Variants in EPN3 observed in about 807,000 individuals in gnomAD.
The protein encoded by EPN3 is epsin 3.
In EPN3, 56 loss-of-function variants were observed where a neutral mutation model predicts 55.5. The observed-to-expected ratio is 1.01, with a 90% CI of 0.81 to 1.26. The LOEUF (loss-of-function observed/expected upper bound fraction) is 1.26. Among genes scored for constraint, EPN3 ranks in the 50% most tolerant of loss-of-function variants. The pLI, the probability that EPN3 is intolerant of heterozygous loss-of-function variation, is 0.00. For synonymous variants in EPN3, 449 were observed against 375.2 expected (o/e 1.20, Z -2.27); for missense variants, 927 against 853.4 (o/e 1.09, Z -1.07).
chr17:50,540,955 C>T lies in EPN3; in HGVS notation c.1142C>T (p.Ala381Val). 1 of 1,613,382 alleles carries T rather than the reference C, an allele frequency of 6.2e-7. No homozygotes were observed. The highest frequency in any genetic ancestry group is 8.5e-7 in the Non-Finnish European group (1 of 1,179,910). Reference protein sequence around the residue: ...EPWGRTPVLPAGPPTTDPWAL... With the variant: ...EPWGRTPVLPVGPPTTDPWAL... ...TGGGGCAGGACCCCAGTGCTGCCTG[C>T]TGGGCCCCCCACCACAGACCCCTGG... is the stretch of plus-strand genomic sequence containing the variant. The change falls in exon 7 of 10, where the codon GCT (alanine) becomes GTT (valine). Residue 381 changes from alanine to valine, a missense_variant. Physicochemically the swap from Ala to Val is moderately conservative, Grantham distance 64 (BLOSUM62 0). Coordinates refer to ENST00000268933, the MANE Select transcript of EPN3 (RefSeq NM_017957.3).
At chr17:50,533,038 G>A in intron 1 of EPN3, 53 bp downstream of exon 1, 5 of 1,160,278 alleles carry the variant, frequency 4.3e-6, no homozygotes, top group Middle Eastern at 2.5e-4. Context: ...GAAGGCGGGG[G>A]TTGGTGGGGA....
In EPN3 at chr17:50,541,449, G is replaced by A. The variant is rs1391425797; in HGVS notation, c.1355-15G>A. On this transcript the variant is annotated splice_polypyrimidine_tract_variant and intron_variant, in intron 8 of 9. Coordinates refer to ENST00000268933, the MANE Select transcript of EPN3 (RefSeq NM_017957.3). ...TCCCTTTCCCCACCAATTAGCTCTA[G>A]CATTTCTATTCCAGAGCTGGACCTG... The A allele has an allele frequency of 1.2e-6, 2 of 1,613,242 alleles. No homozygotes were observed. The highest frequency in any genetic ancestry group is 1.7e-5 in the Admixed American group (1 of 60,014).
intron 3 of EPN3, chr17:50,538,564 C>G: frequency 2.3e-6 from 1 of 429,360 alleles, no homozygotes; most frequent in Non-Finnish European, 4.1e-6. Flanking sequence ...AAGGACAGGC[C>G]CCCGATATCA....
intron 3 of EPN3, chr17:50,538,501 G>A: frequency 2.2e-6 from 1 of 458,800 alleles, no homozygotes; most frequent in Non-Finnish European, 3.8e-6. Flanking sequence ...ATTCCTAGGA[G>A]ACACTGGGAT....
intron 3 of EPN3, chr17:50,538,511 TA>T: frequency 2.3e-6 from 1 of 440,300 alleles, no homozygotes; most frequent in Non-Finnish European, 4.0e-6. Flanking sequence ...GACACTGGGA[TA>T]TGCTTCCCAC....
rs930607540 is a variant in EPN3, at chr17:50,534,352, G to A, written c.-137+1367G>A. On this transcript the variant is annotated intron_variant, in intron 1 of 9. Transcript: ENST00000268933. ...CGAGAGTCCCCTCCCAGAGGCTGGT[G>A]CCCCCACACAGGCCAGGCCGGAGGG... 6 of 941,740 alleles carry A rather than the reference G, an allele frequency of 6.4e-6. No homozygotes were observed. The African/African-American group carries it at 8.9e-5, about 14-fold the overall frequency. 58.3% of individuals were successfully genotyped at this position (941,740 alleles called of 1,614,324 possible).
In EPN3 at chr17:50,541,929, G is replaced by C. The variant is rs112657244; in HGVS notation, c.1671G>C (p.Pro557=). The C allele has an allele frequency of 6.3e-7, 1 of 1,599,546 alleles. No individual in the cohort carries two copies. ...PTLNQMRTGS[P]ALGLAGGPVG... is the part of the protein sequence containing the mutation. ...TAAACCAGATGCGCACCGGCTCGCCGGCGCTGGGCCTGGCAGGCGGGCCTG... is the reference window on the plus strand; with the variant it reads ...TAAACCAGATGCGCACCGGCTCGCCCGCGCTGGGCCTGGCAGGCGGGCCTG... Residue 557 remains proline (P), a synonymous_variant, in exon 10 of 10, where the codon CCG becomes CCC. Coordinates refer to ENST00000268933, the MANE Select transcript of EPN3 (RefSeq NM_017957.3).
In EPN3 at chr17:50,541,673, ACCCGGAAC is replaced by A. The variant is rs765532804; in HGVS notation, c.1568_1575del (p.Arg523LeufsTer72). On this transcript the variant is annotated frameshift_variant, in exon 9 of 10. Coordinates refer to ENST00000268933, the MANE Select transcript of EPN3 (RefSeq NM_017957.3). LOFTEE classifies it high-confidence loss of function. ...GGTCAAGGCACCCCAGGTTGCAAAG[ACCCGGAAC>A]CCCTTCCTGACAGGTAAGATATGCC... 2.1e-4 allele frequency: 345 copies of A among 1,613,866 alleles called. 1 individual carries two copies. Among genetic ancestry groups the A allele is most frequent in the Non-Finnish European group, 2.6e-4 (301 of 1,179,988 alleles).
chr17:50,541,563 A>G lies in EPN3; in HGVS notation c.1454A>G (p.Gln485Arg). Residue 485 changes from glutamine (Q) to arginine (R), a missense_variant, in exon 9 of 10, where the codon CAG becomes CGG. Coordinates refer to ENST00000268933, the MANE Select transcript of EPN3 (RefSeq NM_017957.3). ...DLGILGEALT[Q>R]PSKEARACRT... ...GGCATACTAGGGGAAGCACTAACCC[A>G]GCCAAGCAAAGAGGCCCGAGCTTGC... The G allele has an allele frequency of 6.2e-7, 1 of 1,614,216 alleles. No homozygotes were observed. Among genetic ancestry groups the G allele is most frequent in the East Asian group, 2.2e-5 (1 of 44,886 alleles).
rs1279637588 is a variant in EPN3, at chr17:50,542,407, G to A, written c.*250G>A. ...GGACTTTTTGCGGGGTGTGGCGGCC[G>A]GGTCTCGACCACAGCGTGGATCACC... On this transcript the variant is annotated 3_prime_UTR_variant, in exon 10 of 10. Coordinates refer to ENST00000268933, the MANE Select transcript of EPN3 (RefSeq NM_017957.3). 4.6e-6 allele frequency: 2 copies of A among 437,002 alleles called. No homozygotes were observed. The highest frequency in any genetic ancestry group is 4.2e-5 in the East Asian group (1 of 23,688). The allele number at this position is 437,002 out of a possible 1,614,324, so 27.1% of individuals were successfully genotyped here. A position where few individuals can be genotyped will look rare whatever the true frequency, so the allele number is the denominator to read the frequency against.
rs747966035 is a variant in EPN3 at position 50,536,655 on chromosome 17, G to C, written c.99G>C (p.Trp33Cys). 1.9e-6 allele frequency: 3 copies of C among 1,613,946 alleles called. No homozygotes were observed. In the South Asian group the frequency reaches 3.3e-5, roughly 18 times the overall value. ...KVREATSNDP[W>C]GPPSSLMSEI... ...GCGAGGCCACCAGCAATGACCCCTG[G>C]GGCCCCCCTAGTTCGCTCATGTCCG... Residue 33 changes from tryptophan to cysteine, a missense_variant, in exon 2 of 10, where the codon TGG (tryptophan) becomes TGC (cysteine). Transcript: ENST00000268933.
chr17:50,541,000 A>T lies in EPN3; in HGVS notation c.1187A>T (p.His396Leu). The change falls in exon 7 of 10, where the codon CAC becomes CTC. Residue 396 changes from histidine (H) to leucine (L), a missense_variant. By Grantham distance (99) the His-to-Leu change is moderately conservative. Coordinates refer to ENST00000268933, the MANE Select transcript of EPN3 (RefSeq NM_017957.3). ...CCCTGGGCCCTGAACTCTCCCCACCACAAACTCCCCAGCACTGGGGCTGAC... is the reference window on the plus strand; with the variant it reads ...CCCTGGGCCCTGAACTCTCCCCACCTCAAACTCCCCAGCACTGGGGCTGAC... ...TDPWALNSPHHKLPSTGADPW... is the reference protein window; with the variant it reads ...TDPWALNSPHLKLPSTGADPW... The T allele has an allele frequency of 3.7e-6, 6 of 1,605,572 alleles. No individual in the cohort carries two copies. The highest frequency in any genetic ancestry group is 5.1e-6 in the Non-Finnish European group (6 of 1,175,508).
At chr17:50,539,482 G>A (rs1264083381) in intron 5 of EPN3, among the ~76,000 whole-genome samples, 167 bp downstream of exon 5, 2 of 152,312 alleles carry the variant, frequency 1.3e-5, no homozygotes, top group South Asian at 4.1e-4. Context: ...GCATGGGCTG[G>A]TGACTGAGTT....
intron 1 of EPN3, among the ~76,000 whole-genome samples, chr17:50,535,379 TC>T (rs2034744698): frequency 6.6e-6 from 1 of 152,122 alleles, no homozygotes; most frequent in Non-Finnish European, 1.5e-5. Flanking sequence ...TGCAGGCAGG[TC>T]CCATCCCCTC....
rs1410127911 is a variant in EPN3, at chr17:50,538,878, C to T, written c.682-6C>T. On this transcript the variant is annotated splice_polypyrimidine_tract_variant and splice_region_variant and intron_variant, in intron 3 of 9. Coordinates refer to ENST00000268933, the MANE Select transcript of EPN3 (RefSeq NM_017957.3). Reference sequence around the variant, plus strand: ...GGGCCAAGTTTACCCCTCTCTTCCTCCGCAGCCTGTCCCCCCAGCCTCCCA... The same window carrying T: ...GGGCCAAGTTTACCCCTCTCTTCCTTCGCAGCCTGTCCCCCCAGCCTCCCA... The T allele has an allele frequency of 6.3e-7, 1 of 1,594,394 alleles. No individual in the cohort carries two copies. Among genetic ancestry groups the T allele is most frequent in the South Asian group, 1.1e-5 (1 of 88,644 alleles).
At chr17:50,540,088 A>G in intron 5 of EPN3, 159 bp from the exon 6 acceptor site, 1 of 517,116 alleles carries the variant, frequency 1.9e-6, no homozygotes, top group South Asian at 3.4e-5. Context: ...ATGAAGAAAC[A>G]TTATAAACTG....
At chr17:50,537,266 A>G in intron 2 of EPN3, 148 bp downstream of exon 2, 1 of 795,390 alleles carries the variant, frequency 1.3e-6, no homozygotes, top group Middle Eastern at 3.7e-4. Context: ...AAGGCGCAAC[A>G]CCCGGCACAT....
rs530407767 is a variant in EPN3, at chr17:50,537,014, G to A, written c.458G>A (p.Arg153His). 2.7e-5 allele frequency: 44 copies of A among 1,613,222 alleles called. No individual in the cohort carries two copies. The highest frequency in any genetic ancestry group is 3.3e-5 in the Non-Finnish European group (39 of 1,179,896). The change falls in exon 2 of 10, where the codon CGC becomes CAC. Residue 153 changes from arginine to histidine, a missense_variant. Arg to His is a conservative substitution (Grantham distance 29, BLOSUM62 0). Coordinates refer to ENST00000268933, the MANE Select transcript of EPN3 (RefSeq NM_017957.3). The part of the protein sequence containing the change: ...ERTHALKTKE[R>H]MALEGIGIGS... ...ACCCACGCCCTCAAGACCAAGGAGC[G>A]CATGGCACTGGAGGGCATCGGCATT...
At position 50,542,932 on chromosome 17, in the gene EPN3, T is replaced by C. The variant is rs2034868633; in HGVS notation, c.*775T>C. The C allele has an allele frequency of 6.6e-6, 1 of 152,218 alleles. No individual in the cohort carries two copies. The highest frequency in any genetic ancestry group is 6.5e-5 in the Admixed American group (1 of 15,280). 9.4% of individuals were successfully genotyped at this position (152,218 alleles called of 1,614,324 possible). ...TCCCATTTTTCAGGCAAGGAAACCG[T>C]GGCTCAGAGAGGTTGAATGGCATGC... On this transcript the variant is annotated 3_prime_UTR_variant, in exon 10 of 10. Coordinates refer to ENST00000268933, the MANE Select transcript of EPN3 (RefSeq NM_017957.3).
Sources: allele counts gnomAD v4.1 joint callset (sites outside exome capture counted in the v4.1 genomes callset), GRCh38; gene constraint gnomAD v4.1.1; transcripts MANE v1.5; gene names NCBI Gene and HGNC (gene_info 2026-07-23, HGNC 2026-07-21).